Variants in IMPG2 observed in about 807,000 individuals in gnomAD.
IMPG2 encodes IPM 200.
Under a neutral mutation model 129.2 loss-of-function variants are expected in IMPG2, and 91 were observed. The observed-to-expected ratio is 0.70, with a 90% CI of 0.59 to 0.84. The LOEUF (loss-of-function observed/expected upper bound fraction) is 0.84. Among genes scored for constraint, IMPG2 ranks in the 40% least tolerant of loss-of-function variants. The pLI, the probability that IMPG2 is intolerant of heterozygous loss-of-function variation, is 0.00. For missense variants in IMPG2, 1,430 were observed against 1,461.7 expected (o/e 0.98, Z 0.35); for synonymous variants, 510 against 517.7 (o/e 0.99, Z 0.20).
At chr3:101,306,303 C>A (rs766697234) in intron 2 of IMPG2, among the ~76,000 whole-genome samples, 1 of 152,142 alleles carries the variant, frequency 6.6e-6, no homozygotes, top group Non-Finnish European at 1.5e-5. Context: ...CAAAAAAATT[C>A]TTAAGCTTTA....
Position 101,276,718 on chromosome 3 carries a change from A to G in IMPG2, c.534-5T>C. 1 of 1,571,888 alleles carries G rather than the reference A, an allele frequency of 6.4e-7. No individual in the cohort carries two copies. ...ACTGGAGAAGACAGTTCAGAGCTAG[A>G]AAAAAAAATGTTTGCAGTTAATAAA... is the stretch of plus-strand genomic sequence containing the variant. On this transcript the variant is annotated splice_polypyrimidine_tract_variant and splice_region_variant and intron_variant, in intron 4 of 18. Coordinates refer to ENST00000193391, the MANE Select transcript of IMPG2 (RefSeq NM_016247.4).
intron 4 of IMPG2, among the ~76,000 whole-genome samples, chr3:101,282,131 A>G (rs946308522): frequency 6.6e-5 from 10 of 152,220 alleles, no homozygotes; most frequent in African/African-American, 2.4e-4. Context: ...ATGGGAGTTA[A>G]TGGAGTAGTG....
At chr3:101,235,292 A>G (rs568820761) in intron 14 of IMPG2, among the ~76,000 whole-genome samples, 1 of 152,310 alleles carries the variant, frequency 6.6e-6, no homozygotes, top group South Asian at 2.1e-4. Flanking sequence ...TTTGACTGCA[A>G]CCCATCCCAT....
intron 2 of IMPG2, among the ~76,000 whole-genome samples, chr3:101,309,422 G>T (rs1022675718): frequency 1.3e-5 from 2 of 152,178 alleles, no homozygotes; most frequent in East Asian, 3.8e-4. Flanking sequence ...CAATCATGGT[G>T]GAAGGGGGAG....
chr3:101,229,298 A>ACACCCCCCCCCCCC, intron 17 of IMPG2, 82 bp downstream of exon 17: 1 of 973,064 alleles, frequency 1.0e-6, no homozygotes. Context: ...ACACTCATAC[A>ACACCCCCCCCCCCC]CACCCCCACC....
chr3:101,275,374 A>G (rs765869628), intron 6 of IMPG2, among the ~76,000 whole-genome samples: 2 of 152,228 alleles, frequency 1.3e-5, no homozygotes, highest in Non-Finnish European at 2.9e-5. Flanking sequence ...CAAAACCACC[A>G]TAGAAAATCA....
Position 101,273,633 on chromosome 3 carries a change from T to C in IMPG2, c.776A>G (p.Gln259Arg), listed in dbSNP as rs771885113. 2 of 1,614,146 alleles carry C rather than the reference T, an allele frequency of 1.2e-6. No individual in the cohort carries two copies. The highest frequency in any genetic ancestry group is 1.7e-6 in the Non-Finnish European group (2 of 1,179,988). ...CTGGTGGTGAAAGCTGGAGGAATCC[T>C]GTAGTTCTTCCCTGTACTGCTTCCC... Reference protein sequence around the residue: ...LLGKQYREELQDSSSFHHQHL... With the variant: ...LLGKQYREELRDSSSFHHQHL... The change falls in exon 7 of 19, where the codon CAG (glutamine) becomes CGG (arginine). Residue 259 changes from glutamine to arginine, a missense_variant. Gln to Arg is a conservative substitution (Grantham distance 43). Transcript: ENST00000193391.
chr3:101,266,655 A>T (rs1260932302), intron 9 of IMPG2, among the ~76,000 whole-genome samples: 1 of 152,162 alleles, frequency 6.6e-6, no homozygotes, highest in African/African-American at 2.4e-5. Flanking sequence ...AATTCCAGAG[A>T]TTATCTCAAG....
chr3:101,257,764 A>G lies in IMPG2; in HGVS notation c.918T>C (p.Asp306=). ...CATTGAAGGTAACTGCATAGTAAACATCTACGCCACTATGGATGGAAAGAG... is the reference window on the plus strand; with the variant it reads ...CATTGAAGGTAACTGCATAGTAAACGTCTACGCCACTATGGATGGAAAGAG... ...RSPKENDSGV[D]VYYAVTFNGE... The change falls in exon 10 of 19, where the codon GAT becomes GAC. Residue 306 remains aspartate (D), a synonymous_variant. Coordinates refer to ENST00000193391, the MANE Select transcript of IMPG2 (RefSeq NM_016247.4). 6.2e-7 allele frequency: 1 copy of G among 1,613,094 alleles called. No homozygotes were observed. The highest frequency in any genetic ancestry group is 8.5e-7 in the Non-Finnish European group (1 of 1,179,302).
intron 3 of IMPG2, among the ~76,000 whole-genome samples, chr3:101,293,833 A>G (rs1707047810): frequency 6.6e-6 from 1 of 152,202 alleles, no homozygotes. Flanking sequence ...ATTCTTAACT[A>G]CATAAACCAA....
intron 14 of IMPG2, among the ~76,000 whole-genome samples, chr3:101,237,412 T>G (rs1377188169): frequency 6.6e-6 from 1 of 152,146 alleles, no homozygotes; most frequent in Non-Finnish European, 1.5e-5. Context: ...CCCCTATGTC[T>G]CCTGACTGGG....
chr3:101,229,307 C>CCCCCCCCCCCCCGCAGCCCCCCCA, intron 17 of IMPG2, 73 bp downstream of exon 17: 1 of 797,474 alleles, frequency 1.3e-6, no homozygotes. Context: ...CACACCCCCA[C>CCCCCCCCCCCCCGCAGCCCCCCCA]CCACCACCCC....
At chr3:101,264,517 C>T (rs1052823155) in intron 9 of IMPG2, among the ~76,000 whole-genome samples, 1 of 151,924 alleles carries the variant, frequency 6.6e-6, no homozygotes, top group Non-Finnish European at 1.5e-5. Flanking sequence ...ATGATTAAAA[C>T]CCTCAAAAAA....
intron 2 of IMPG2, among the ~76,000 whole-genome samples, chr3:101,305,003 T>A (rs1707174340): frequency 1.3e-5 from 2 of 152,120 alleles, no homozygotes; most frequent in African/African-American, 2.4e-5. Flanking sequence ...ATAATAATCT[T>A]TTTTATACAT....
At chr3:101,259,551 G>A (rs917800670) in intron 9 of IMPG2, among the ~76,000 whole-genome samples, 3 of 150,456 alleles carry the variant, frequency 2.0e-5, no homozygotes, top group Non-Finnish European at 4.4e-5. Flanking sequence ...GCACAGAGAG[G>A]TACCCAGTGC....
intron 14 of IMPG2, among the ~76,000 whole-genome samples, chr3:101,241,425 A>G (rs1305851353): frequency 6.6e-6 from 1 of 152,342 alleles, no homozygotes; most frequent in East Asian, 1.9e-4. Context: ...AGCTGGTTTG[A>G]CTAGAACATG....
chr3:101,319,966 T>C, intron 1 of IMPG2, 134 bp from the exon 2 acceptor site: 1 of 894,200 alleles, frequency 1.1e-6, no homozygotes, highest in Non-Finnish European at 1.7e-6. Context: ...GGCATGCATA[T>C]CTAAGGAAAA....
At chr3:101,265,557 AT>A (rs1304630915) in intron 9 of IMPG2, among the ~76,000 whole-genome samples, 1 of 152,138 alleles carries the variant, frequency 6.6e-6, no homozygotes, top group Non-Finnish European at 1.5e-5. Context: ...CTCAAAATAG[AT>A]CAAAGACCTA....
At chr3:101,284,011 A>C (rs1035306944) in intron 4 of IMPG2, among the ~76,000 whole-genome samples, 3 of 152,242 alleles carry the variant, frequency 2.0e-5, no homozygotes, top group Non-Finnish European at 4.4e-5. Context: ...GGGTGGTGGC[A>C]GTGAAGATGG....
Sources: allele counts gnomAD v4.1 joint callset (sites outside exome capture counted in the v4.1 genomes callset), GRCh38; gene constraint gnomAD v4.1.1; transcripts MANE v1.5; gene names NCBI Gene and HGNC (gene_info 2026-07-23, HGNC 2026-07-21).